The following ITGAV variants were observed in gnomAD, a reference collection of about 807,000 sequenced individuals.
ITGAV encodes the protein integrin subunit alpha V, also known as integrin alpha-V.
A neutral mutation model predicts 143.8 loss-of-function variants in ITGAV; 76 were observed. The ratio of observed to expected loss-of-function variants is 0.53; its 90% CI spans 0.44 to 0.64. The LOEUF (loss-of-function observed/expected upper bound fraction) is 0.64, where lower values mean the gene tolerates loss of function less well. Ranked by LOEUF, ITGAV falls within the 30% of genes least tolerant of loss-of-function variation. The probability of loss-of-function intolerance (pLI) is 0.00; values close to 1 mark genes in which losing one functional copy is unlikely to be tolerated. For missense variants in ITGAV, 1,193 were observed against 1,274.7 expected, an observed-to-expected ratio of 0.94 and a Z score of 0.98; for synonymous variants, 453 against 446.7, an observed-to-expected ratio of 1.01 and a Z score of -0.18.
chr2:186,675,604 G>A lies in ITGAV; in HGVS notation c.2707G>A (p.Gly903Ser), dbSNP rs201106619. The A allele has an allele frequency of 3.2e-5, 51 of 1,609,686 alleles. No individual in the cohort carries two copies. Among genetic ancestry groups the A allele is most frequent in the Non-Finnish European group, 4.3e-5 (50 of 1,176,104 alleles). ...ALSEGDIHTL[G>S]CGVAQCLKIV... ...ATAAGTAAAGGATTTGTTTTGGCAGGGTTGTGGAGTTGCTCAGTGCTTGAA... is the reference window on the plus strand; with the variant it reads ...ATAAGTAAAGGATTTGTTTTGGCAGAGTTGTGGAGTTGCTCAGTGCTTGAA... Residue 903 changes from glycine (G) to serine (S), a missense_variant and splice_region_variant, in exon 27 of 30, where the codon GGT becomes AGT. By Grantham distance (56) the Gly-to-Ser change is moderately conservative (BLOSUM62 0). Coordinates refer to ENST00000261023, the MANE Select transcript of ITGAV (RefSeq NM_002210.5).
chr2:186,595,688 TA>T (rs3835762), intron 1 of ITGAV, among the ~76,000 whole-genome samples: 109,174 of 149,992 alleles, frequency 0.73, 39,583 homozygotes, highest in East Asian at 0.83. Context: ...TTCCAGTCAT[TA>T]AAAAAAAAAA....
chr2:186,648,084 T>A (rs1396471781), intron 13 of ITGAV, among the ~76,000 whole-genome samples: 1 of 152,216 alleles, frequency 6.6e-6, no homozygotes, highest in African/African-American at 2.4e-5. Flanking sequence ...GAAACATTTC[T>A]TTATTATTCT....
chr2:186,656,312 C>A lies in ITGAV; in HGVS notation c.1630C>A (p.Leu544Ile). The change falls in exon 17 of 30, where the codon CTC becomes ATC. Residue 544 changes from leucine (L) to isoleucine (I), a missense_variant. Transcript: ENST00000261023. ...GGGAGCAATTCGACGAGCACTGTTT[C>A]TCTACAGCAGGTCCCCAAGTCACTC... ...QKGAIRRALF[L>I]YSRSPSHSKN... 6.3e-7 allele frequency: 1 copy of A among 1,586,824 alleles called. No individual in the cohort carries two copies. Among genetic ancestry groups the A allele is most frequent in the Non-Finnish European group, 8.5e-7 (1 of 1,170,136 alleles).
At chr2:186,604,177 C>A (rs1305310003) in intron 2 of ITGAV, among the ~76,000 whole-genome samples, 3 of 151,884 alleles carry the variant, frequency 2.0e-5, no homozygotes, top group Non-Finnish European at 4.4e-5. Flanking sequence ...CAGCATGAGG[C>A]AATTACTCTT....
intron 17 of ITGAV, among the ~76,000 whole-genome samples, chr2:186,656,987 AAC>A (rs56249746): frequency 0.29 from 39,726 of 139,184 alleles, 5,489 homozygotes; most frequent in Middle Eastern, 0.34. Flanking sequence ...GAATTCATTA[AAC>A]ACACACACAC....
rs201778400 is a variant in ITGAV, at chr2:186,678,014, G to C, written c.*722G>C. On this transcript the variant is annotated 3_prime_UTR_variant, in exon 30 of 30. Coordinates refer to ENST00000261023, the MANE Select transcript of ITGAV (RefSeq NM_002210.5). ...TCAAGCCAACCTATACTAAAAATTA[G>C]TTCCATAATCACAAATGGCTCTTTT... is the stretch of plus-strand genomic sequence containing the variant. The C allele has an allele frequency of 1.3e-5, 2 of 151,976 alleles. No homozygotes were observed. The highest frequency in any genetic ancestry group is 4.8e-5 in the African/African-American group (2 of 41,416). 9.4% of individuals were successfully genotyped at this position (151,976 alleles called of 1,614,324 possible).
chr2:186,637,035 G>C, intron 7 of ITGAV, 30 bp from the exon 8 acceptor site: 1 of 1,602,864 alleles, frequency 6.2e-7, no homozygotes, highest in Non-Finnish European at 8.5e-7. Flanking sequence ...TCCTTGTCCT[G>C]ATGGTTCTCC....
intron 8 of ITGAV, 41 bp from the exon 9 acceptor site, chr2:186,638,236 T>G: frequency 6.3e-7 from 1 of 1,590,194 alleles, no homozygotes; most frequent in Non-Finnish European, 8.6e-7. Context: ...CTTCCAGTGT[T>G]GTCCTAAAAA....
chr2:186,677,055 T>G (rs1315762352), intron 29 of ITGAV, 120 bp downstream of exon 29: 29 of 1,226,418 alleles, frequency 2.4e-5, no homozygotes, highest in Non-Finnish European at 3.3e-5. Context: ...TGATACTTGA[T>G]GAGCATTACT....
chr2:186,633,944 C>G (rs1470199522), intron 6 of ITGAV, among the ~76,000 whole-genome samples: 1 of 152,100 alleles, frequency 6.6e-6, no homozygotes, highest in African/African-American at 2.4e-5. Context: ...AGGAGAATCA[C>G]TTGAACCCAG....
intron 12 of ITGAV, among the ~76,000 whole-genome samples, chr2:186,642,230 A>AT (rs527606167): frequency 3.0e-4 from 45 of 150,870 alleles, no homozygotes; most frequent in East Asian, 2.7e-3. Context: ...AATTACCAAG[A>AT]TTTTTTTTTT....
At chr2:186,607,406 A>G (rs1687097545) in intron 2 of ITGAV, among the ~76,000 whole-genome samples, 1 of 152,124 alleles carries the variant, frequency 6.6e-6, no homozygotes. Context: ...CTGGCCCATA[A>G]AACATAAGGA....
In ITGAV at chr2:186,652,038, A is replaced by G; in HGVS notation, c.1454A>G (p.Asn485Ser). 1 of 1,613,878 alleles carries G rather than the reference A, an allele frequency of 6.2e-7. No homozygotes were observed. Among genetic ancestry groups the G allele is most frequent in the Non-Finnish European group, 8.5e-7 (1 of 1,179,800 alleles). The stretch of plus-strand genomic sequence containing the variant: ...CTTGAAGTGTACCCTAGCATTTTAA[A>G]TCAAGACAATAAAACCTGCTCACTG... ...AGLEVYPSIL[N>S]QDNKTCSLPG... is the part of the protein sequence containing the mutation. The change falls in exon 15 of 30, where the codon AAT becomes AGT. Residue 485 changes from asparagine to serine, a missense_variant. Asn to Ser is a conservative substitution (Grantham distance 46). Coordinates refer to ENST00000261023, the MANE Select transcript of ITGAV (RefSeq NM_002210.5).
Position 186,649,888 on chromosome 2 carries a change from G to GGCCTCCGT in ITGAV, c.1397+3_1397+4insGCCTCCGT. 7.0e-7 allele frequency: 1 copy of GGCCTCCGT among 1,427,126 alleles called. No individual in the cohort carries two copies. Among genetic ancestry groups the GGCCTCCGT allele is most frequent in the Non-Finnish European group, 9.2e-7 (1 of 1,083,396 alleles). 88.4% of individuals were successfully genotyped at this position (1,427,126 alleles called of 1,614,324 possible). On this transcript the variant is annotated splice_donor_region_variant and intron_variant, in intron 14 of 29. Transcript: ENST00000261023. Reference sequence around the variant, plus strand: ...GTAGATCGAGCTATCTTATACAGGTGAGCATTTTCTGTATCCTGCGGTATA... The same window carrying GGCCTCCGT: ...GTAGATCGAGCTATCTTATACAGGTGGCCTCCGTAGCATTTTCTGTATCCTGCGGTATA...
At chr2:186,670,908 A>G (rs1689044764) in intron 26 of ITGAV, among the ~76,000 whole-genome samples, 1 of 152,188 alleles carries the variant, frequency 6.6e-6, no homozygotes, top group Non-Finnish European at 1.5e-5. Context: ...CTCTTTCCAT[A>G]AAGTTCTTAG....
intron 1 of ITGAV, among the ~76,000 whole-genome samples, chr2:186,599,781 C>G (rs942214738): frequency 4.6e-5 from 7 of 152,200 alleles, no homozygotes; most frequent in African/African-American, 1.7e-4. Context: ...AGGCTTTTCT[C>G]CCATCAATGC....
In ITGAV at chr2:186,640,975, T is replaced by C; in HGVS notation, c.956+8T>C. On this transcript the variant is annotated splice_region_variant and intron_variant, in intron 11 of 29. Transcript: ENST00000261023. ...TGACATTAATGGAGATGAGTAAGTT[T>C]AAAAAAAAATGTTTCCAGAAAGTTA... 6.4e-7 allele frequency: 1 copy of C among 1,565,226 alleles called. No homozygotes were observed. Among genetic ancestry groups the C allele is most frequent in the Non-Finnish European group, 8.7e-7 (1 of 1,146,472 alleles).
intron 1 of ITGAV, among the ~76,000 whole-genome samples, chr2:186,597,983 T>C (rs1686791746): frequency 6.6e-6 from 1 of 152,100 alleles, no homozygotes; most frequent in South Asian, 2.1e-4. Context: ...TGCTTGTAGG[T>C]TTCCAGGCAA....
intron 2 of ITGAV, among the ~76,000 whole-genome samples, chr2:186,619,261 A>G (rs1229370120): frequency 6.6e-6 from 1 of 152,030 alleles, no homozygotes; most frequent in Non-Finnish European, 1.5e-5. Context: ...GGCAACACGG[A>G]TGGAACTGGA....
Sources: gnomAD v4.1 joint callset for allele counts (sites outside exome capture counted in the v4.1 genomes callset) on GRCh38, gnomAD v4.1.1 for gene constraint, MANE v1.5 for transcripts, NCBI Gene and HGNC (gene_info 2026-07-23, HGNC 2026-07-21) for gene names.